The following AGBL4 variants were observed in gnomAD, a reference collection of about 807,000 sequenced individuals.
The protein encoded by AGBL4 is AGBL carboxypeptidase 4.
A neutral mutation model predicts 66.4 loss-of-function variants in AGBL4; 58 were observed. The ratio of observed to expected loss-of-function variants is 0.87; its 90% confidence interval spans 0.71 to 1.09. The LOEUF is 1.09. AGBL4 is among the 50% of genes least tolerant of loss of function. AGBL4 has a pLI of 0.00. For synonymous variants in AGBL4, 234 were observed against 222.9 expected (o/e 1.05, Z -0.44); for missense variants, 579 against 631.0 (o/e 0.92, Z 0.88).
chr1:49,515,934 T>A (rs1055924916), intron 3 of AGBL4, among the ~76,000 whole-genome samples: 1 of 150,740 alleles, frequency 6.6e-6, no homozygotes, highest in East Asian at 2.0e-4. Flanking sequence ...ATATACCTAA[T>A]GTTAAATGAT....
At chr1:49,558,299 G>A (rs1261552065) in intron 3 of AGBL4, among the ~76,000 whole-genome samples, 3 of 152,096 alleles carry the variant, frequency 2.0e-5, no homozygotes, top group Non-Finnish European at 4.4e-5. Context: ...TGGCCACAGT[G>A]TGTCAGAGAA....
intron 3 of AGBL4, among the ~76,000 whole-genome samples, chr1:49,324,378 G>C (rs777047604): frequency 2.0e-5 from 3 of 152,194 alleles, no homozygotes; most frequent in Middle Eastern, 3.4e-3. Flanking sequence ...ACAGAGCTTG[G>C]CACTCTCTCC....
At chr1:49,262,619 C>A (rs1484440542) in intron 3 of AGBL4, among the ~76,000 whole-genome samples, 1 of 145,406 alleles carries the variant, frequency 6.9e-6, no homozygotes, top group South Asian at 2.3e-4. Flanking sequence ...CCATCTCACA[C>A]CAGTTAGAAT....
intron 4 of AGBL4, among the ~76,000 whole-genome samples, chr1:49,154,389 T>C (rs1323456514): frequency 6.6e-6 from 1 of 152,128 alleles, no homozygotes; most frequent in Non-Finnish European, 1.5e-5. Context: ...CAATAAATAA[T>C]AGCTATTGCT....
At chr1:49,207,559 T>TTTCTTTCTTTCTTTCTTTCTTTCTTTC (rs1648305817) in intron 4 of AGBL4, among the ~76,000 whole-genome samples, 5 of 135,892 alleles carry the variant, frequency 3.7e-5, no homozygotes, top group African/African-American at 1.4e-4. Flanking sequence ...TCTTTCTTTC[T>TTTCTTTCTTTCTTTCTTTCTTTCTTTC]TTCTTTCTTT....
chr1:49,896,412 C>T (rs1188081569), intron 1 of AGBL4, among the ~76,000 whole-genome samples: 1 of 151,924 alleles, frequency 6.6e-6, no homozygotes, highest in Admixed American at 6.6e-5. Context: ...GCATTTCACA[C>T]TATAAGGAAA....
At chr1:49,482,001 T>G (rs1646965697) in intron 3 of AGBL4, among the ~76,000 whole-genome samples, 1 of 150,760 alleles carries the variant, frequency 6.6e-6, no homozygotes, top group South Asian at 2.1e-4. Flanking sequence ...GATAAGCTTT[T>G]TGATGTACTG....
intron 3 of AGBL4, among the ~76,000 whole-genome samples, chr1:49,602,677 C>T (rs371315865): frequency 9.2e-5 from 14 of 151,890 alleles, no homozygotes; most frequent in Admixed American, 3.9e-4. Context: ...GAACATCACA[C>T]ACTGGGGCCT....
In AGBL4 at chr1:49,643,594, G is replaced by T. The variant is rs114000418; in HGVS notation, c.282+53719C>A. ...CAGAAGTAACTACAGAAAAAGAGAG[G>T]CATTATGCACATGGTAACAAATTTA... On this transcript the variant is annotated intron_variant, in intron 3 of 13. Coordinates refer to ENST00000371839, the MANE Select transcript of AGBL4 (RefSeq NM_032785.4). Among the ~76,000 whole-genome samples, 777 of 151,606 alleles carry T rather than the reference G, an allele frequency of 5.1e-3. 6 individuals carry two copies. Among genetic ancestry groups the T allele is most frequent in the Middle Eastern group, 0.017 (5 of 294 alleles).
chr1:48,743,375 C>T (rs934297192), intron 6 of AGBL4, among the ~76,000 whole-genome samples: 1 of 152,148 alleles, frequency 6.6e-6, no homozygotes, highest in Non-Finnish European at 1.5e-5. Context: ...GCAGTTTAAA[C>T]AGCAAAAAGG....
At chr1:49,144,526 T>TACAC (rs58163314) in intron 4 of AGBL4, among the ~76,000 whole-genome samples, 67,779 of 145,980 alleles carry the variant, frequency 0.46, 17,251 homozygotes, top group Non-Finnish European at 0.59. Context: ...TTACCTAATC[T>TACAC]ACACACACAC....
intron 2 of AGBL4, among the ~76,000 whole-genome samples, chr1:49,829,254 G>C (rs1013619319): frequency 3.3e-5 from 5 of 152,086 alleles, no homozygotes; most frequent in African/African-American, 1.2e-4. Flanking sequence ...ATGTACTCAA[G>C]ATTTATAAAG....
intron 3 of AGBL4, among the ~76,000 whole-genome samples, chr1:49,413,787 A>C (rs548452235): frequency 2.6e-5 from 4 of 152,310 alleles, no homozygotes; most frequent in African/African-American, 9.6e-5. Flanking sequence ...TGATGTAGTA[A>C]ATAGAATGCT....
intron 6 of AGBL4, among the ~76,000 whole-genome samples, chr1:48,767,924 C>T (rs563123123): frequency 2.3e-4 from 35 of 152,272 alleles, no homozygotes; most frequent in African/African-American, 8.4e-4. Context: ...GAGTGAGCAC[C>T]TACTATGTGC....
intron 6 of AGBL4, among the ~76,000 whole-genome samples, chr1:48,848,506 C>T (rs1027805000): frequency 6.6e-6 from 1 of 152,032 alleles, no homozygotes; most frequent in Admixed American, 6.6e-5. Context: ...TGCATTTGAC[C>T]TTTTTATAGG....
intron 11 of AGBL4, among the ~76,000 whole-genome samples, chr1:48,563,485 T>C (rs1353186748): frequency 6.6e-6 from 1 of 151,142 alleles, no homozygotes; most frequent in Non-Finnish European, 1.5e-5. Flanking sequence ...GAGAGGGAGA[T>C]GACAGAAATG....
At chr1:49,930,779 CA>C (rs1487883067) in intron 1 of AGBL4, among the ~76,000 whole-genome samples, 2 of 151,884 alleles carry the variant, frequency 1.3e-5, no homozygotes, top group Non-Finnish European at 2.9e-5. Context: ...GAAAAATCAA[CA>C]AAAAAATACA....
chr1:49,589,096 T>C (rs1452608243), intron 3 of AGBL4, among the ~76,000 whole-genome samples: 4 of 152,174 alleles, frequency 2.6e-5, no homozygotes, highest in South Asian at 2.1e-4. Flanking sequence ...GACATTTTAT[T>C]ATAAGCTGTG....
intron 6 of AGBL4, chr1:48,777,008 G>T (rs897602640): frequency 3.0e-5 from 7 of 235,390 alleles, no homozygotes; most frequent in Admixed American, 2.3e-4. Flanking sequence ...CTGCCAATCG[G>T]CTGCTTTCGC....
Sources: allele counts gnomAD v4.1 joint callset (sites outside exome capture counted in the v4.1 genomes callset), GRCh38; gene constraint gnomAD v4.1.1; transcripts MANE v1.5; gene names NCBI Gene and HGNC (gene_info 2026-07-23, HGNC 2026-07-21).